The following ZNF385D variants were observed in gnomAD, a reference collection of about 807,000 sequenced individuals.
ZNF385D encodes the protein zinc finger protein 385D, also known as zinc finger protein 659.
ZNF385D carries 15 observed loss-of-function variants against 35.8 expected under a neutral mutation model. The observed-to-expected ratio is 0.42, with a 90% CI of 0.28 to 0.64. ZNF385D has a LOEUF of 0.64. ZNF385D is among the 30% of genes least tolerant of loss of function. ZNF385D has a pLI of 0.23. For synonymous variants in ZNF385D, 212 were observed against 186.8 expected (o/e 1.13, Z -1.10); for missense variants, 474 against 494.6 (o/e 0.96, Z 0.39).
chr3:22,039,472 C>T (rs1698534691), intron 3 of ZNF385D, among the ~76,000 whole-genome samples: 1 of 152,028 alleles, frequency 6.6e-6, no homozygotes, highest in African/African-American at 2.4e-5. Context: ...TCTACCATTC[C>T]AGCCAAATTT....
At position 21,675,195 on chromosome 3, in the gene ZNF385D, C is replaced by T. The variant is rs571945340; in HGVS notation, c.23-10167G>A. 6.6e-5 allele frequency among the ~76,000 whole-genome samples: 10 copies of T among 152,106 alleles called. No individual in the cohort carries two copies. The East Asian group carries it at 1.9e-3, about 29-fold the overall frequency. On this transcript the variant is annotated intron_variant, in intron 1 of 7. Coordinates refer to ENST00000281523, the MANE Select transcript of ZNF385D (RefSeq NM_024697.3). The stretch of plus-strand genomic sequence containing the variant: ...GCAATTAAGCTCCCATTATTGTTTT[C>T]TTCAGAAAAATAAATGGCCCAAACA...
At chr3:21,842,126 GA>G (rs562759549) in intron 3 of ZNF385D, among the ~76,000 whole-genome samples, 57 of 151,938 alleles carry the variant, frequency 3.8e-4, no homozygotes, top group African/African-American at 1.3e-3. Flanking sequence ...TCTTTCAGAT[GA>G]AAAACCAATG....
At chr3:21,651,784 G>A (rs2065921557) in intron 2 of ZNF385D, among the ~76,000 whole-genome samples, 1 of 152,016 alleles carries the variant, frequency 6.6e-6, no homozygotes, top group African/African-American at 2.4e-5. Flanking sequence ...AAAAACTAGA[G>A]CAATTGCTTG....
chr3:21,876,735 T>C (rs1697993874), intron 3 of ZNF385D, among the ~76,000 whole-genome samples: 2 of 151,970 alleles, frequency 1.3e-5, no homozygotes, highest in Non-Finnish European at 2.9e-5. Context: ...CAAAACTCAA[T>C]TTTCCTGTTT....
intron 3 of ZNF385D, among the ~76,000 whole-genome samples, chr3:21,787,403 T>C (rs1421629919): frequency 6.6e-6 from 1 of 152,160 alleles, no homozygotes; most frequent in Non-Finnish European, 1.5e-5. Flanking sequence ...AAAATAGATG[T>C]ATTTAGTTAA....
Position 22,286,665 on chromosome 3 carries a change from G to A in ZNF385D, c.106+85785C>T, listed in dbSNP as rs114437930. Among the ~76,000 whole-genome samples the A allele has an allele frequency of 1.3e-3, 192 of 152,178 alleles. 2 individuals carry two copies. Among genetic ancestry groups the A allele is most frequent in the African/African-American group, 4.5e-3 (188 of 41,534 alleles). On this transcript the variant is annotated intron_variant, in intron 2 of 5. Transcript: ENST00000494108. ...TATTTGACTCAATAGTTGTTCAAAA[G>A]TATGTTTCATTTCCATATACTTGTA...
intron 2 of ZNF385D, among the ~76,000 whole-genome samples, chr3:21,626,581 C>T (rs948813247): frequency 6.6e-6 from 1 of 152,070 alleles, no homozygotes; most frequent in African/African-American, 2.4e-5. Flanking sequence ...AGCTTTATGG[C>T]TTTGTTGCCA....
At chr3:22,242,908 T>C (rs908558149) in intron 2 of ZNF385D, among the ~76,000 whole-genome samples, 1 of 151,074 alleles carries the variant, frequency 6.6e-6, no homozygotes, top group Non-Finnish European at 1.5e-5. Flanking sequence ...GTTAGATTTA[T>C]AGAAGAGCAA....
chr3:22,010,986 T>G (rs1310315926), intron 3 of ZNF385D, among the ~76,000 whole-genome samples: 1 of 152,154 alleles, frequency 6.6e-6, no homozygotes, highest in Non-Finnish European at 1.5e-5. Flanking sequence ...AAATCCTGGA[T>G]AGACTATTTC....
At chr3:21,798,481 G>C (rs114246964) in intron 3 of ZNF385D, among the ~76,000 whole-genome samples, 2 of 152,102 alleles carry the variant, frequency 1.3e-5, no homozygotes, top group Admixed American at 1.3e-4. Context: ...CTCACAGCAT[G>C]GAAGCTTGCT....
chr3:22,148,945 G>C (rs755861674), intron 3 of ZNF385D, among the ~76,000 whole-genome samples: 2 of 152,100 alleles, frequency 1.3e-5, no homozygotes, highest in Non-Finnish European at 2.9e-5. Flanking sequence ...TCTATCCTAT[G>C]ATTTTGCTAT....
chr3:22,214,962 G>A (rs1697769271), intron 2 of ZNF385D, among the ~76,000 whole-genome samples: 1 of 151,912 alleles, frequency 6.6e-6, no homozygotes, highest in East Asian at 1.9e-4. Flanking sequence ...AAAACTTGCT[G>A]GTTTTACGGC....
chr3:21,817,884 T>C (rs1575708547), intron 3 of ZNF385D, among the ~76,000 whole-genome samples: 1 of 152,202 alleles, frequency 6.6e-6, no homozygotes. Context: ...CACAGGTATG[T>C]TTATTGTGGC....
chr3:21,956,033 A>G (rs1281272959), intron 3 of ZNF385D, among the ~76,000 whole-genome samples: 4 of 152,044 alleles, frequency 2.6e-5, no homozygotes, highest in African/African-American at 9.7e-5. Flanking sequence ...AAAAAAGAAA[A>G]AAAATTATCC....
intron 3 of ZNF385D, among the ~76,000 whole-genome samples, chr3:21,832,642 T>A (rs1053158829): frequency 1.3e-5 from 2 of 152,208 alleles, no homozygotes; most frequent in South Asian, 4.1e-4. Flanking sequence ...CTTCACATTC[T>A]TGGATCAGTT....
At chr3:22,152,182 T>C (rs558201299) in intron 3 of ZNF385D, among the ~76,000 whole-genome samples, 10 of 152,250 alleles carry the variant, frequency 6.6e-5, no homozygotes, top group African/African-American at 2.4e-4. Context: ...AATGATATGA[T>C]CTCGTTCTTT....
chr3:21,458,905 C>T (rs1002208400), intron 4 of ZNF385D, among the ~76,000 whole-genome samples: 1 of 152,014 alleles, frequency 6.6e-6, no homozygotes, highest in Non-Finnish European at 1.5e-5. Context: ...TATACTAAAA[C>T]CAGTTAATTG....
At chr3:21,824,794 G>A (rs1694494913) in intron 3 of ZNF385D, among the ~76,000 whole-genome samples, 1 of 152,088 alleles carries the variant, frequency 6.6e-6, no homozygotes, top group Admixed American at 6.6e-5. Flanking sequence ...ATATTTTAGA[G>A]CATTTAAGGT....
chr3:21,668,986 C>G (rs2066484570), intron 1 of ZNF385D, among the ~76,000 whole-genome samples: 1 of 152,058 alleles, frequency 6.6e-6, no homozygotes, highest in Non-Finnish European at 1.5e-5. Context: ...TTAATGTTTA[C>G]CAACAATGTC....
Sources: allele counts gnomAD v4.1 joint callset (sites outside exome capture counted in the v4.1 genomes callset), GRCh38; gene constraint gnomAD v4.1.1; transcripts MANE v1.5; gene names NCBI Gene and HGNC (gene_info 2026-07-23, HGNC 2026-07-21).